UBE3C: variants seen among roughly 807,000 people sequenced by gnomAD.
The protein encoded by UBE3C is ubiquitin-protein ligase E3C.
In UBE3C, 42 loss-of-function variants were observed where a neutral mutation model predicts 129.4. The ratio of observed to expected loss-of-function variants is 0.32; its 90% CI spans 0.25 to 0.42. The LOEUF is 0.42. Ranked by LOEUF, UBE3C falls within the 10% of genes least tolerant of loss-of-function variation. UBE3C has a pLI of 1.00. For synonymous variants in UBE3C, 510 were observed against 492.4 expected, an observed-to-expected ratio of 1.04 and a Z score of -0.47; for missense variants, 1,049 against 1,319.1, an observed-to-expected ratio of 0.80 and a Z score of 3.17.
At chr7:157,257,922 A>T (rs1796796883) in intron 22 of UBE3C, among the ~76,000 whole-genome samples, 1 of 150,366 alleles carries the variant, frequency 6.7e-6, no homozygotes, top group Non-Finnish European at 1.5e-5. Flanking sequence ...CTTCATAGGC[A>T]TTCACTTTCT....
intron 9 of UBE3C, 124 bp downstream of exon 9, chr7:157,184,153 G>T: frequency 8.3e-7 from 1 of 1,207,844 alleles, no homozygotes; most frequent in Non-Finnish European, 1.1e-6. Flanking sequence ...TTGCAGAGAA[G>T]CCCCGTCAGC....
intron 2 of UBE3C, among the ~76,000 whole-genome samples, chr7:157,168,445 G>T (rs1332273101): frequency 1.3e-5 from 2 of 151,952 alleles, no homozygotes; most frequent in Non-Finnish European, 2.9e-5. Flanking sequence ...CTAGGTTTAT[G>T]CTCAAGAGAA....
At chr7:157,206,950 G>A (rs1209464058) in intron 11 of UBE3C, among the ~76,000 whole-genome samples, 1 of 151,972 alleles carries the variant, frequency 6.6e-6, no homozygotes, top group East Asian at 2.0e-4. Context: ...AGCTTTCAAC[G>A]TTACCAAAAG....
chr7:157,239,818 G>A (rs1796254539), intron 18 of UBE3C, among the ~76,000 whole-genome samples: 2 of 152,196 alleles, frequency 1.3e-5, no homozygotes, highest in Non-Finnish European at 1.5e-5. Flanking sequence ...GGGCGCCACA[G>A]GCTGCGTGTC....
chr7:157,259,978 T>A (rs552174791), intron 22 of UBE3C, among the ~76,000 whole-genome samples: 8 of 152,096 alleles, frequency 5.3e-5, no homozygotes, highest in Middle Eastern at 3.4e-3. Flanking sequence ...GTGCAGTGAG[T>A]TTGTTTCAAA....
chr7:157,188,919 A>C (rs753585750), intron 10 of UBE3C: 2 of 654,746 alleles, frequency 3.1e-6, no homozygotes, highest in South Asian at 3.6e-5. Context: ...AGGATTTGCC[A>C]TTTAATTTCT....
At chr7:157,160,144 G>A (rs1200979543) in intron 1 of UBE3C, among the ~76,000 whole-genome samples, 1 of 150,748 alleles carries the variant, frequency 6.6e-6, no homozygotes, top group African/African-American at 2.4e-5. Flanking sequence ...GCATGATTTC[G>A]GCTCACTGCA....
chr7:157,254,816 G>A, intron 21 of UBE3C, among the ~76,000 whole-genome samples: 1 of 151,966 alleles, frequency 6.6e-6, no homozygotes, highest in South Asian at 2.1e-4. Flanking sequence ...GGGGCAGGTG[G>A]ATCACTTGAG....
intron 14 of UBE3C, among the ~76,000 whole-genome samples, chr7:157,219,637 C>T (rs924820522): frequency 6.6e-6 from 1 of 152,184 alleles, no homozygotes; most frequent in Non-Finnish European, 1.5e-5. Context: ...CACGGAGGCT[C>T]ACATCTGTAA....
At chr7:157,195,278 A>T (rs1411183169) in intron 10 of UBE3C, among the ~76,000 whole-genome samples, 1 of 152,248 alleles carries the variant, frequency 6.6e-6, no homozygotes, top group Non-Finnish European at 1.5e-5. Context: ...TAAGAGACCC[A>T]CAAGTTTCTC....
intron 6 of UBE3C, among the ~76,000 whole-genome samples, chr7:157,180,996 A>G (rs910146729): frequency 2.0e-5 from 3 of 152,246 alleles, no homozygotes; most frequent in African/African-American, 7.2e-5. Context: ...CTACAGTGGA[A>G]TGAAACCTAC....
chr7:157,197,851 G>T, intron 10 of UBE3C: 2 of 1,608,668 alleles, frequency 1.2e-6, no homozygotes, highest in Non-Finnish European at 1.7e-6. Context: ...TCATCAATAA[G>T]AACAACCGCG....
intron 2 of UBE3C, among the ~76,000 whole-genome samples, chr7:157,164,991 A>G (rs576250978): frequency 7.9e-5 from 12 of 152,260 alleles, no homozygotes; most frequent in African/African-American, 2.9e-4. Flanking sequence ...GTTGGGGGGA[A>G]CTGCTCTGTA....
At chr7:157,242,077 T>C (rs1350898031) in intron 18 of UBE3C, among the ~76,000 whole-genome samples, 1 of 152,236 alleles carries the variant, frequency 6.6e-6, no homozygotes, top group African/African-American at 2.4e-5. Flanking sequence ...ATTGTGGCGA[T>C]GGTCATACAA....
chr7:157,189,968 T>G (rs867715189), intron 10 of UBE3C, among the ~76,000 whole-genome samples: 1 of 152,120 alleles, frequency 6.6e-6, no homozygotes, highest in Non-Finnish European at 1.5e-5. Context: ...GCCCAGCTAA[T>G]TTTTGTATTT....
intron 13 of UBE3C, 118 bp downstream of exon 13, chr7:157,208,053 GACTTTTT>G: frequency 1.1e-5 from 1 of 89,498 alleles, no homozygotes; most frequent in East Asian, 3.8e-4. Flanking sequence ...TAATTTGCAA[GACTTTTT>G]TTTTTTTTTT....
chr7:157,163,897 C>T lies in UBE3C; in HGVS notation c.120+34C>T, dbSNP rs374214647. 568 of 1,593,470 alleles carry T rather than the reference C, an allele frequency of 3.6e-4. 1 individual carries two copies. The highest frequency in any genetic ancestry group is 1.4e-3 in the Admixed American group (80 of 59,220). On this transcript the variant is annotated intron_variant, in intron 2 of 22. Coordinates refer to ENST00000348165, the MANE Select transcript of UBE3C (RefSeq NM_014671.3). ...AGTTTTGTAATACTCTGTAGATAAG[C>T]ATTTTTTCTACAGCATTTAAACATG...
chr7:157,206,560 C>T (rs1308476146), intron 11 of UBE3C, among the ~76,000 whole-genome samples: 1 of 151,686 alleles, frequency 6.6e-6, no homozygotes, highest in African/African-American at 2.4e-5. Context: ...CCATACCCAG[C>T]CTTTTTTCTT....
At chr7:157,241,490 G>A (rs542517284) in intron 18 of UBE3C, among the ~76,000 whole-genome samples, 2 of 152,340 alleles carry the variant, frequency 1.3e-5, no homozygotes, top group South Asian at 4.1e-4. Flanking sequence ...TAGTCATCAA[G>A]GAAGGGCAAA....
Sources: allele counts gnomAD v4.1 joint callset (sites outside exome capture counted in the v4.1 genomes callset), GRCh38; gene constraint gnomAD v4.1.1; transcripts MANE v1.5; gene names NCBI Gene and HGNC (gene_info 2026-07-23, HGNC 2026-07-21).